The following SHISA9 variants were observed in gnomAD, a reference collection of about 807,000 sequenced individuals.
SHISA9 encodes the protein protein shisa-9.
Under a neutral mutation model 38.0 loss-of-function variants are expected in SHISA9, and 13 were observed. That is an observed-to-expected ratio of 0.34 (90% CI 0.22 to 0.54). The LOEUF (loss-of-function observed/expected upper bound fraction) is 0.54, where lower values mean the gene tolerates loss of function less well. Among genes scored for constraint, SHISA9 ranks in the 20% least tolerant of loss-of-function variants. The pLI, the probability that SHISA9 is intolerant of heterozygous loss-of-function variation, is 0.91. For missense variants in SHISA9, 538 were observed against 575.8 expected (o/e 0.93, Z 0.67); for synonymous variants, 275 against 242.0 (o/e 1.14, Z -1.27).
chr16:13,428,103 G>A, the SHISA9 span, among the ~76,000 whole-genome samples: 1 of 152,198 alleles, frequency 6.6e-6, no homozygotes, highest in Non-Finnish European at 1.5e-5. Context: ...CAACATACTG[G>A]CAAACATCCA....
chr16:13,027,606 G>T (rs1322074751), intron 2 of SHISA9, among the ~76,000 whole-genome samples: 1 of 152,038 alleles, frequency 6.6e-6, no homozygotes, highest in Non-Finnish European at 1.5e-5. Flanking sequence ...ATAATTCTCG[G>T]CAATAAAAAA....
chr16:13,409,220 C>T, the SHISA9 span, among the ~76,000 whole-genome samples: 3 of 152,312 alleles, frequency 2.0e-5, no homozygotes, highest in Admixed American at 2.0e-4. Context: ...CCCACTCCAT[C>T]CCCCTTCCAG....
At chr16:13,141,429 G>A (rs2050400729) in intron 2 of SHISA9, among the ~76,000 whole-genome samples, 1 of 151,970 alleles carries the variant, frequency 6.6e-6, no homozygotes, top group African/African-American at 2.4e-5. Flanking sequence ...GCTCACACCT[G>A]TAATCCCAGC....
chr16:13,477,305 A>G, the SHISA9 span, among the ~76,000 whole-genome samples: 1 of 152,222 alleles, frequency 6.6e-6, no homozygotes, highest in East Asian at 1.9e-4. Context: ...AAGGTACCTT[A>G]CACAGACTGG....
chr16:13,100,814 TCTCCTGCC>T (rs771728698), intron 2 of SHISA9, among the ~76,000 whole-genome samples: 1 of 152,180 alleles, frequency 6.6e-6, no homozygotes, highest in Non-Finnish European at 1.5e-5. Context: ...TTCAAGGGAT[TCTCCTGCC>T]TCAGCCTCCC....
chr16:13,429,114 G>A, the SHISA9 span, among the ~76,000 whole-genome samples: 1 of 152,140 alleles, frequency 6.6e-6, no homozygotes, highest in Non-Finnish European at 1.5e-5. Context: ...TGGATGACGG[G>A]ATAGTTTTGC....
At chr16:12,907,147 C>CTCCT (rs1784964743) in intron 1 of SHISA9, among the ~76,000 whole-genome samples, 1 of 79,102 alleles carries the variant, frequency 1.3e-5, no homozygotes, top group Non-Finnish European at 3.1e-5. Flanking sequence ...CTTTCCCTCC[C>CTCCT]TCCCTCCCTC....
chr16:13,163,550 T>C (rs984038644), intron 2 of SHISA9, among the ~76,000 whole-genome samples: 11 of 152,126 alleles, frequency 7.2e-5, no homozygotes, highest in Non-Finnish European at 2.9e-5. Context: ...CTTGTTGGTT[T>C]TCAGCAATTT....
chr16:13,402,900 C>T, the SHISA9 span, among the ~76,000 whole-genome samples: 2 of 152,162 alleles, frequency 1.3e-5, no homozygotes, highest in South Asian at 4.1e-4. Flanking sequence ...GGGCAGGTCA[C>T]AATGTCAGGA....
At chr16:13,544,970 C>G in the SHISA9 span, among the ~76,000 whole-genome samples, 1 of 152,032 alleles carries the variant, frequency 6.6e-6, no homozygotes, top group Non-Finnish European at 1.5e-5. Flanking sequence ...CTGATAGTGT[C>G]AACAGTTTAG....
In SHISA9 at chr16:13,071,332, A is replaced by G. The variant is rs543836028; in HGVS notation, c.692-132062A>G. 6.6e-5 allele frequency among the ~76,000 whole-genome samples: 10 copies of G among 152,256 alleles called. No homozygotes were observed. In the East Asian group the frequency reaches 1.2e-3, roughly 18 times the overall value. On this transcript the variant is annotated intron_variant, in intron 2 of 4. Transcript: ENST00000558583. ...CAGGGTGGTTTTGAGCACTTTCTGT[A>G]TGGTTGGCAGGCTCTCTGATGAGGG...
chr16:13,290,898 C>T, the SHISA9 span, among the ~76,000 whole-genome samples: 1 of 152,240 alleles, frequency 6.6e-6, no homozygotes, highest in Admixed American at 6.5e-5. Flanking sequence ...TTGACTGGGC[C>T]GGGACTAGAG....
At chr16:13,428,662 T>A in the SHISA9 span, among the ~76,000 whole-genome samples, 3 of 152,234 alleles carry the variant, frequency 2.0e-5, no homozygotes, top group African/African-American at 4.8e-5. Context: ...AGAAGTTATT[T>A]TATTAATGAA....
At chr16:13,049,183 TGTGTG>T (rs2073222091) in intron 2 of SHISA9, among the ~76,000 whole-genome samples, 1 of 151,516 alleles carries the variant, frequency 6.6e-6, no homozygotes, top group African/African-American at 2.4e-5. Flanking sequence ...TGTGTGTGTG[TGTGTG>T]TGTGTGTGTG....
At chr16:13,248,982 C>T in the SHISA9 span, among the ~76,000 whole-genome samples, 2 of 152,150 alleles carry the variant, frequency 1.3e-5, no homozygotes, top group East Asian at 3.9e-4. Flanking sequence ...TGAGTCGAGT[C>T]ATTCACCAAA....
rs750606371 is a variant in SHISA9, at chr16:13,213,318, C to G, written c.895+18C>G. 4 of 1,550,846 alleles carry G rather than the reference C, an allele frequency of 2.6e-6. No homozygotes were observed. In the South Asian group the frequency reaches 4.8e-5, roughly 18 times the overall value. ...ACCAAAAGGTACTGTACAGCTTTTT[C>G]TAGCTCTTTTGTCCAGGTGTTGTCA... On this transcript the variant is annotated intron_variant, in intron 4 of 4. Coordinates refer to ENST00000558583, the MANE Select transcript of SHISA9 (RefSeq NM_001145204.3).
intron 2 of SHISA9, among the ~76,000 whole-genome samples, chr16:13,119,175 C>A (rs926677485): frequency 2.0e-5 from 3 of 152,174 alleles, no homozygotes; most frequent in African/African-American, 7.2e-5. Context: ...CCCACTTTTG[C>A]CCATTTCTTA....
At chr16:13,552,411 G>A in the SHISA9 span, among the ~76,000 whole-genome samples, 1 of 152,074 alleles carries the variant, frequency 6.6e-6, no homozygotes. Flanking sequence ...GAGGTGGGAA[G>A]GGCAGGTGTC....
chr16:13,210,468 T>A (rs995504369), intron 3 of SHISA9, among the ~76,000 whole-genome samples: 1 of 152,252 alleles, frequency 6.6e-6, no homozygotes, highest in Non-Finnish European at 1.5e-5. Flanking sequence ...ATTGTCTGTG[T>A]TGCTATTTGA....
Sources: allele counts gnomAD v4.1 joint callset (sites outside exome capture counted in the v4.1 genomes callset), GRCh38; gene constraint gnomAD v4.1.1; transcripts MANE v1.5; gene names NCBI Gene and HGNC (gene_info 2026-07-23, HGNC 2026-07-21).